The following RAD21L1 variants were observed in gnomAD, a reference collection of about 807,000 sequenced individuals.
RAD21L1 encodes the protein double-strand-break repair protein rad21-like protein 1.
In RAD21L1, 47 loss-of-function variants were observed where a neutral mutation model predicts 69.0. That is an observed-to-expected ratio of 0.68 (90% CI 0.54 to 0.87). The LOEUF (loss-of-function observed/expected upper bound fraction) is 0.87. Among genes scored for constraint, RAD21L1 ranks in the 40% least tolerant of loss-of-function variants. The probability of loss-of-function intolerance (pLI) is 0.00; values close to 1 mark genes in which losing one functional copy is unlikely to be tolerated. For missense variants in RAD21L1, 583 were observed against 647.6 expected (o/e 0.90, Z 1.08); for synonymous variants, 177 against 205.8 (o/e 0.86, Z 1.20).
chr20:1,235,493 C>T (rs1322321744), intron 5 of RAD21L1, among the ~76,000 whole-genome samples: 2 of 152,168 alleles, frequency 1.3e-5, no homozygotes, highest in African/African-American at 2.4e-5. Context: ...AATCAAAATA[C>T]AAGTCTTAAG....
Position 1,248,615 on chromosome 20 carries a change from C to T in RAD21L1, c.1402-11C>T, listed in dbSNP as rs1179656102. 1 of 1,465,124 alleles carries T rather than the reference C, an allele frequency of 6.8e-7. No individual in the cohort carries two copies. Among genetic ancestry groups the T allele is most frequent in the African/African-American group, 1.4e-5 (1 of 70,668 alleles). 90.8% of individuals were successfully genotyped at this position (1,465,124 alleles called of 1,614,324 possible). A position where few individuals can be genotyped will look rare whatever the true frequency, so the allele number is the denominator to read the frequency against. ...TGCTTAAATTAAATATTTTATCTATCATTCAAACAGGAGTCATTGAGCAAT... is the reference window on the plus strand; with the variant it reads ...TGCTTAAATTAAATATTTTATCTATTATTCAAACAGGAGTCATTGAGCAAT... On this transcript the variant is annotated splice_polypyrimidine_tract_variant and intron_variant, in intron 12 of 13. Coordinates refer to ENST00000683101, the MANE Select transcript of RAD21L1 (RefSeq NM_001384355.1).
chr20:1,230,300 GT>G (rs1352196591), intron 3 of RAD21L1, among the ~76,000 whole-genome samples: 1 of 152,048 alleles, frequency 6.6e-6, no homozygotes, highest in Non-Finnish European at 1.5e-5. Flanking sequence ...TTTTTAATGG[GT>G]CATTTAGTTT....
chr20:1,234,070 T>G lies in RAD21L1; in HGVS notation c.369-15T>G. Reference sequence around the variant, plus strand: ...TCTGTTCTCATGTTTTTCTCAACCTTCTATTTCTCCATAGTGCTATTGATG... The same window carrying G: ...TCTGTTCTCATGTTTTTCTCAACCTGCTATTTCTCCATAGTGCTATTGATG... On this transcript the variant is annotated splice_polypyrimidine_tract_variant and intron_variant, in intron 4 of 13. Transcript: ENST00000683101. 1 of 1,257,722 alleles carries G rather than the reference T, an allele frequency of 8.0e-7. No individual in the cohort carries two copies. Among genetic ancestry groups the G allele is most frequent in the Non-Finnish European group, 1.1e-6 (1 of 890,718 alleles). The allele number at this position is 1,257,722 out of a possible 1,614,324, so 77.9% of individuals were successfully genotyped here.
At chr20:1,242,987 T>A in intron 9 of RAD21L1, 110 bp from the exon 10 acceptor site, 2 of 899,344 alleles carry the variant, frequency 2.2e-6, no homozygotes, top group Non-Finnish European at 3.4e-6. Flanking sequence ...ATTAATTTTC[T>A]GTATTGTGTG....
intron 1 of RAD21L1, chr20:1,226,442 G>A (rs1474541346): frequency 6.6e-6 from 1 of 152,374 alleles, no homozygotes; most frequent in South Asian, 2.1e-4. Context: ...CTGTGGAGGA[G>A]CCTTTGGCGT....
intron 1 of RAD21L1, among the ~76,000 whole-genome samples, chr20:1,226,983 C>A (rs1303816665): frequency 6.6e-6 from 1 of 152,184 alleles, no homozygotes; most frequent in East Asian, 1.9e-4. Flanking sequence ...GATCGCGGCT[C>A]ATTGCAGCCT....
intron 1 of RAD21L1, 56 bp from the exon 2 acceptor site, chr20:1,228,366 T>C (rs934571018): frequency 4.8e-6 from 4 of 829,474 alleles, no homozygotes; most frequent in East Asian, 6.2e-5. Context: ...ATTTTTCTTA[T>C]AGCAATAAAA....
intron 11 of RAD21L1, 125 bp downstream of exon 11, chr20:1,244,295 A>G (rs887860440): frequency 1.4e-6 from 1 of 709,376 alleles, no homozygotes; most frequent in Non-Finnish European, 2.1e-6. Context: ...TTGTTTTGCA[A>G]TTTGTTTAGT....
Position 1,243,166 on chromosome 20 carries a change from A to G in RAD21L1, c.1153A>G (p.Arg385Gly). Residue 385 changes from arginine to glycine, a missense_variant, in exon 10 of 14, where the codon AGG (arginine) becomes GGG (glycine). Transcript: ENST00000683101. ...GRKMIQKESV[R>G]EEVGNQNIVE... ...AAAAATGATACAGAAGGAGTCAGTA[A>G]GGGAAGAAGTGGGAAACCAAAATAT... The G allele has an allele frequency of 1.3e-6, 2 of 1,536,992 alleles. No individual in the cohort carries two copies. The highest frequency in any genetic ancestry group is 8.8e-7 in the Non-Finnish European group (1 of 1,139,942).
intron 5 of RAD21L1, among the ~76,000 whole-genome samples, chr20:1,237,401 T>C (rs2087522231): frequency 6.6e-6 from 1 of 152,186 alleles, no homozygotes. Context: ...TTACAAAACC[T>C]TTCTGTGGAT....
chr20:1,226,680 C>G (rs902082450), intron 1 of RAD21L1, among the ~76,000 whole-genome samples: 1 of 152,144 alleles, frequency 6.6e-6, no homozygotes, highest in African/African-American at 2.4e-5. Flanking sequence ...CGGAGTGGCC[C>G]CATCCCGGTG....
chr20:1,239,382 T>G lies in RAD21L1; in HGVS notation c.717T>G (p.Pro239=). ...DMHLNREISL[P]SEPPNSLAVE... ...ATTTGAACAGAGAAATTTCCCTGCC[T>G]TCTGAGCCTCCCAATAGTTTAGCAG... The change falls in exon 7 of 14, where the codon CCT becomes CCG. Residue 239 remains proline, a synonymous_variant. Transcript: ENST00000683101. The G allele has an allele frequency of 6.5e-7, 1 of 1,548,232 alleles. No individual in the cohort carries two copies. Among genetic ancestry groups the G allele is most frequent in the Non-Finnish European group, 8.7e-7 (1 of 1,143,878 alleles).
At chr20:1,228,641 T>C (rs1391506823) in intron 2 of RAD21L1, 44 bp downstream of exon 2, 2 of 1,351,196 alleles carry the variant, frequency 1.5e-6, no homozygotes, top group African/African-American at 3.0e-5. Context: ...ATCATGACTT[T>C]GGAGGAGGAA....
intron 12 of RAD21L1, among the ~76,000 whole-genome samples, chr20:1,248,304 A>G (rs2087757750): frequency 6.6e-6 from 1 of 152,042 alleles, no homozygotes; most frequent in South Asian, 2.1e-4. Context: ...CCCTAGGCAA[A>G]AGTTGTTGTC....
Position 1,228,611 on chromosome 20 carries a change from TA to T in RAD21L1, c.144+18del. On this transcript the variant is annotated intron_variant, in intron 2 of 13. Coordinates refer to ENST00000683101, the MANE Select transcript of RAD21L1 (RefSeq NM_001384355.1). The stretch of plus-strand genomic sequence containing the variant: ...CTTTCACCCAAGGTATGTTACTGAT[TA>T]AAATGATAGCTTGTATTTATCATGA... The T allele has an allele frequency of 6.7e-7, 1 of 1,490,348 alleles. No individual in the cohort carries two copies. Among genetic ancestry groups the T allele is most frequent in the Non-Finnish European group, 9.0e-7 (1 of 1,109,048 alleles). The allele number at this position is 1,490,348 out of a possible 1,614,324, so 92.3% of individuals were successfully genotyped here. A position where few individuals can be genotyped will look rare whatever the true frequency, so the allele number is the denominator to read the frequency against.
At chr20:1,241,409 A>G (rs2087604803) in intron 8 of RAD21L1, among the ~76,000 whole-genome samples, 1 of 152,242 alleles carries the variant, frequency 6.6e-6, no homozygotes, top group Non-Finnish European at 1.5e-5. Flanking sequence ...GTCTAATATA[A>G]CTAATATAAC....
intron 13 of RAD21L1, among the ~76,000 whole-genome samples, chr20:1,251,431 A>T (rs1246961023): frequency 6.7e-6 from 1 of 149,258 alleles, no homozygotes; most frequent in Non-Finnish European, 1.5e-5. Context: ...CAGAAATTTC[A>T]TGTTCCTGAG....
At position 1,254,552 on chromosome 20, in the gene RAD21L1, T is replaced by C; in HGVS notation, c.*95T>C. On this transcript the variant is annotated 3_prime_UTR_variant, in exon 14 of 14. Coordinates refer to ENST00000683101, the MANE Select transcript of RAD21L1 (RefSeq NM_001384355.1). Reference sequence around the variant, plus strand: ...AGCCATCTGGAAGCAGCTGAAGGTCTGATCCATTTCATAGATAGGCTGACC... The same window carrying C: ...AGCCATCTGGAAGCAGCTGAAGGTCCGATCCATTTCATAGATAGGCTGACC... The C allele has an allele frequency of 1.2e-6, 1 of 815,022 alleles. No homozygotes were observed. The highest frequency in any genetic ancestry group is 1.8e-6 in the Non-Finnish European group (1 of 562,816). 50.5% of individuals were successfully genotyped at this position (815,022 alleles called of 1,614,324 possible). A position where few individuals can be genotyped will look rare whatever the true frequency, so the allele number is the denominator to read the frequency against.
chr20:1,231,385 G>GGACTACAC (rs1464972542), intron 3 of RAD21L1, 141 bp from the exon 4 acceptor site: 1 of 616,916 alleles, frequency 1.6e-6, no homozygotes, highest in Non-Finnish European at 2.9e-6. Flanking sequence ...TATAGAGAAT[G>GGACTACAC]GACTACACAA....
Sources: allele counts gnomAD v4.1 joint callset (sites outside exome capture counted in the v4.1 genomes callset), GRCh38; gene constraint gnomAD v4.1.1; transcripts MANE v1.5; gene names NCBI Gene and HGNC (gene_info 2026-07-23, HGNC 2026-07-21).